CENPB: variants seen among roughly 807,000 people sequenced by gnomAD.
CENPB encodes the protein centromere protein B.
A neutral mutation model predicts 41.9 loss-of-function variants in CENPB; 19 were observed. The ratio of observed to expected loss-of-function variants is 0.45; its 90% CI spans 0.32 to 0.67. The LOEUF is 0.67. Among genes scored for constraint, CENPB ranks in the 30% least tolerant of loss-of-function variants. CENPB has a pLI of 0.04. For missense variants in CENPB, 614 were observed against 816.2 expected (o/e 0.75, Z 3.02); for synonymous variants, 399 against 354.4 (o/e 1.13, Z -1.41).
At position 3,785,440 on chromosome 20, in the gene CENPB, C is replaced by A. The variant is rs1473820823; in HGVS notation, c.1044G>T (p.Ala348=). Residue 348 remains alanine (A), a synonymous_variant, in exon 1 of 1, where the codon GCG becomes GCT. Coordinates refer to ENST00000379751, the MANE Select transcript of CENPB (RefSeq NM_001810.6). ...GGCCTGAGGGATCCTGGCCCTCTAG[C>A]GCGGCCATGGCCTTGAGCAGCATGG... is the stretch of plus-strand genomic sequence containing the variant. The part of the protein sequence containing the change: ...RQAMLLKAMA[A]LEGQDPSGLQ... The A allele has an allele frequency of 4.4e-6, 7 of 1,590,002 alleles. No individual in the cohort carries two copies. Among genetic ancestry groups the A allele is most frequent in the Non-Finnish European group, 6.0e-6 (7 of 1,168,534 alleles).
In CENPB at chr20:3,786,383, C is replaced by T. The variant is rs763387256; in HGVS notation, c.101G>A (p.Arg34His). 3 of 1,603,542 alleles carry T rather than the reference C, an allele frequency of 1.9e-6. No homozygotes were observed. The highest frequency in any genetic ancestry group is 1.7e-6 in the Non-Finnish European group (2 of 1,179,484). ...PDLRKGEIAR[R>H]FNIPPSTLST... ...CAGCGTGGACGGCGGGATGTTGAAG[C>T]GCCGCGCGATCTCGCCCTTGCGCAG... is the stretch of plus-strand genomic sequence containing the variant. The change falls in exon 1 of 1, where the codon CGC (arginine) becomes CAC (histidine). Residue 34 changes from arginine (R) to histidine (H), a missense_variant. Coordinates refer to ENST00000379751, the MANE Select transcript of CENPB (RefSeq NM_001810.6).
chr20:3,786,504 G>A lies in CENPB; in HGVS notation c.-21C>T, dbSNP rs763479488. 57 of 1,142,992 alleles carry A rather than the reference G, an allele frequency of 5.0e-5. 1 individual carries two copies. Among genetic ancestry groups the A allele is most frequent in the Admixed American group, 4.9e-4 (13 of 26,290 alleles). 70.8% of individuals were successfully genotyped at this position (1,142,992 alleles called of 1,614,324 possible). A position where few individuals can be genotyped will look rare whatever the true frequency, so the allele number is the denominator to read the frequency against. ...CCCATCCCGGCGCGCCCCCCGCCCCGGGGCCCGGCGCCGCCGCCGCCGCCC... is the reference window on the plus strand; with the variant it reads ...CCCATCCCGGCGCGCCCCCCGCCCCAGGGCCCGGCGCCGCCGCCGCCGCCC... On this transcript the variant is annotated 5_prime_UTR_variant, in exon 1 of 1. Coordinates refer to ENST00000379751, the MANE Select transcript of CENPB (RefSeq NM_001810.6).
rs996074233 is a variant in CENPB, at chr20:3,784,636, G to C, written c.*48C>G. Reference sequence around the variant, plus strand: ...GGGTGCCCAGAGAGTCCTCTGCCCTGGGGTGGTGCTGCCAATCTAGGTTGG... The same window carrying C: ...GGGTGCCCAGAGAGTCCTCTGCCCTCGGGTGGTGCTGCCAATCTAGGTTGG... On this transcript the variant is annotated 3_prime_UTR_variant, in exon 1 of 1. Transcript: ENST00000379751. The surrounding 1 kb of genome is among the most constrained non-coding windows in gnomAD (Gnocchi z 5.2). The C allele has an allele frequency of 6.2e-7, 1 of 1,601,140 alleles. No homozygotes were observed. Among genetic ancestry groups the C allele is most frequent in the Non-Finnish European group, 8.5e-7 (1 of 1,172,816 alleles).
Position 3,784,354 on chromosome 20 carries a change from G to A in CENPB, c.*330C>T, listed in dbSNP as rs557848176. The A allele has an allele frequency of 2.9e-5, 9 of 308,972 alleles. No individual in the cohort carries two copies. In the East Asian group the frequency reaches 3.5e-4, roughly 12 times the overall value. 19.1% of individuals were successfully genotyped at this position (308,972 alleles called of 1,614,324 possible). A position where few individuals can be genotyped will look rare whatever the true frequency, so the allele number is the denominator to read the frequency against. On this transcript the variant is annotated 3_prime_UTR_variant, in exon 1 of 1. Transcript: ENST00000379751. This position sits in a 1 kb window ranked among gnomAD's most constrained non-coding sequence, Gnocchi z 5.2. ...CACTCTCCGGCCGGGAACCTCCAGGGCCCATCCCTGGCTGCTGCTGTGGTT... is the reference window on the plus strand; with the variant it reads ...CACTCTCCGGCCGGGAACCTCCAGGACCCATCCCTGGCTGCTGCTGTGGTT...
Position 3,785,581 on chromosome 20 carries a change from G to C in CENPB, c.903C>G (p.Ala301=). 6.2e-7 allele frequency: 1 copy of C among 1,601,416 alleles called. No homozygotes were observed. The highest frequency in any genetic ancestry group is 8.5e-7 in the Non-Finnish European group (1 of 1,174,494). Residue 301 remains alanine (A), a synonymous_variant, in exon 1 of 1, where the codon GCC becomes GCG. Coordinates refer to ENST00000379751, the MANE Select transcript of CENPB (RefSeq NM_001810.6). ...GCAGGCCCGAGGTGTCCAAGGACTG[G>C]GCAGCCAAGCGGCCGGCCAACAGCA... ...RVLLLAGRLA[A]QSLDTSGLRH...
chr20:3,784,762 C>G lies in CENPB; in HGVS notation c.1722G>C (p.Leu574Phe). 6.2e-7 allele frequency: 1 copy of G among 1,614,094 alleles called. No homozygotes were observed. The highest frequency in any genetic ancestry group is 8.5e-7 in the Non-Finnish European group (1 of 1,180,014). Residue 574 changes from leucine to phenylalanine, a missense_variant, in exon 1 of 1, where the codon TTG (leucine) becomes TTC (phenylalanine). By Grantham distance (22) the Leu-to-Phe change is conservative (BLOSUM62 0). Transcript: ENST00000379751. The surrounding 1 kb of genome is among the most constrained non-coding windows in gnomAD (Gnocchi z 5.2). ...DDRVQSHILH[L>F]EHDLVHVTRK... ...TGGTCACATGAACCAGATCGTGTTC[C>G]AAGTGGAGGATGTGGCTCTGCACGC...
chr20:3,784,886 T>A lies in CENPB; in HGVS notation c.1598A>T (p.Glu533Val), dbSNP rs2088803315. Residue 533 changes from glutamate (E) to valine (V), a missense_variant, in exon 1 of 1, where the codon GAG becomes GTG. Around this residue, in one of 2 missense-constraint regions of CENPB, gnomAD observed 537 missense variants for 629.4 expected, o/e 0.85. Coordinates refer to ENST00000379751, the MANE Select transcript of CENPB (RefSeq NM_001810.6). This position sits in a 1 kb window ranked among gnomAD's most constrained non-coding sequence, Gnocchi z 5.2. Reference sequence around the variant, plus strand: ...TACAGGCACCTCATCACCATCCTCCTCATCATCATCGTCGTCTTCATCTTC... The same window carrying A: ...TACAGGCACCTCATCACCATCCTCCACATCATCATCGTCGTCTTCATCTTC... ...DDEDEDDDDD[E>V]EDGDEVPVPS... 8 of 1,613,548 alleles carry A rather than the reference T, an allele frequency of 5.0e-6. No individual in the cohort carries two copies. In the South Asian group the frequency reaches 8.8e-5, roughly 18 times the overall value.
At position 3,785,200 on chromosome 20, in the gene CENPB, T is replaced by TTCC. The variant is rs200947984; in HGVS notation, c.1281_1283dup (p.Glu428dup). 3,535 of 760,946 alleles carry TTCC rather than the reference T, an allele frequency of 4.6e-3. 84 individuals are homozygous for TTCC. In the African/African-American group the frequency reaches 0.064, roughly 14 times the overall value. 47.1% of individuals were successfully genotyped at this position (760,946 alleles called of 1,614,324 possible). ...CCCCTTCCTCCTCCTCCTCCTCCCC[T>TTCC]TCCTCCTCCTCTTCCTCTCCTTCAC... On this transcript the variant is annotated inframe_insertion, in exon 1 of 1. Transcript: ENST00000379751.
At position 3,786,042 on chromosome 20, in the gene CENPB, G is replaced by A. The variant is rs1363667913; in HGVS notation, c.442C>T (p.Pro148Ser). 1.4e-6 allele frequency: 2 copies of A among 1,479,936 alleles called. No individual in the cohort carries two copies. The highest frequency in any genetic ancestry group is 1.8e-6 in the Non-Finnish European group (2 of 1,129,426). 91.7% of individuals were successfully genotyped at this position (1,479,936 alleles called of 1,614,324 possible). Residue 148 changes from proline (P) to serine (S), a missense_variant, in exon 1 of 1, where the codon CCC (proline) becomes TCC (serine). Around this residue, in one of 2 missense-constraint regions of CENPB, gnomAD observed 537 missense variants for 629.4 expected, o/e 0.85. Coordinates refer to ENST00000379751, the MANE Select transcript of CENPB (RefSeq NM_001810.6). ...CTGGCAGGCGCCGCCGGGGTGCGGG[G>A]GGCAGCGTTTCGCGCGCGGGCGCGG... ...VARARARNAAPRTPAAPASPA... is the reference protein window; with the variant it reads ...VARARARNAASRTPAAPASPA...
At position 3,784,148 on chromosome 20, in the gene CENPB, CAG is replaced by C. The variant is rs1292094011; in HGVS notation, c.*534_*535del. 6.5e-6 allele frequency: 1 copy of C among 153,358 alleles called. No homozygotes were observed. Among genetic ancestry groups the C allele is most frequent in the Non-Finnish European group, 1.4e-5 (1 of 70,790 alleles). The allele number at this position is 153,358 out of a possible 1,614,324, so 9.5% of individuals were successfully genotyped here. A position where few individuals can be genotyped will look rare whatever the true frequency, so the allele number is the denominator to read the frequency against. ...AGGGACTGGGGAGGTGGAAAGCAGG[CAG>C]AAGCAGGCTCAGGAGCCCGCAGTGA... On this transcript the variant is annotated 3_prime_UTR_variant, in exon 1 of 1. Transcript: ENST00000379751. The surrounding 1 kb of genome is among the most constrained non-coding windows in gnomAD (Gnocchi z 5.2).
In CENPB at chr20:3,785,331, G is replaced by A. The variant is rs775648926; in HGVS notation, c.1153C>T (p.Arg385Cys). The A allele has an allele frequency of 3.1e-6, 5 of 1,602,346 alleles. No homozygotes were observed. The highest frequency in any genetic ancestry group is 3.4e-6 in the Non-Finnish European group (4 of 1,175,764). ...VEPSDIAACF[R>C]EAGFGGGPNA... ...GGGCCACCCCCAAAGCCAGCCTCAC[G>A]AAAGCAGGCGGCTATGTCCGAAGGC... Residue 385 changes from arginine (R) to cysteine (C), a missense_variant, in exon 1 of 1, where the codon CGT becomes TGT. Arg to Cys is a radical substitution (Grantham distance 180). Transcript: ENST00000379751.
rs1600365773 is a variant in CENPB at position 3,784,885 on chromosome 20, C to A, written c.1599G>T (p.Glu533Asp). 1.9e-6 allele frequency: 3 copies of A among 1,613,868 alleles called. No individual in the cohort carries two copies. Among genetic ancestry groups the A allele is most frequent in the Non-Finnish European group, 2.5e-6 (3 of 1,179,834 alleles). ...DDEDEDDDDD[E>D]EDGDEVPVPS... The stretch of plus-strand genomic sequence containing the variant: ...GTACAGGCACCTCATCACCATCCTC[C>A]TCATCATCATCGTCGTCTTCATCTT... Residue 533 changes from glutamate to aspartate, a missense_variant, in exon 1 of 1, where the codon GAG becomes GAT. Coordinates refer to ENST00000379751, the MANE Select transcript of CENPB (RefSeq NM_001810.6). The surrounding 1 kb of genome is among the most constrained non-coding windows in gnomAD (Gnocchi z 5.2).
In CENPB at chr20:3,785,797, T is replaced by C. The variant is rs761497217; in HGVS notation, c.687A>G (p.Leu229=). The change falls in exon 1 of 1, where the codon CTA becomes CTG. Residue 229 remains leucine, a synonymous_variant. Coordinates refer to ENST00000379751, the MANE Select transcript of CENPB (RefSeq NM_001810.6). ...TCTCGCTGCCGTCGGCATTGGCGCATAGCAGGACGCTCAGGCGCTGGGTGG... is the reference window on the plus strand; with the variant it reads ...TCTCGCTGCCGTCGGCATTGGCGCACAGCAGGACGCTCAGGCGCTGGGTGG... ...RQATQRLSVL[L]CANADGSEKL... is the part of the protein sequence containing the mutation. 7 of 1,609,766 alleles carry C rather than the reference T, an allele frequency of 4.3e-6. No homozygotes were observed. The highest frequency in any genetic ancestry group is 4.0e-5 in the African/African-American group (3 of 74,804).
Position 3,784,536 on chromosome 20 carries a change from G to T in CENPB, c.*148C>A. The T allele has an allele frequency of 2.2e-6, 2 of 913,816 alleles. No homozygotes were observed. The highest frequency in any genetic ancestry group is 3.3e-6 in the Non-Finnish European group (2 of 601,362). 56.6% of individuals were successfully genotyped at this position (913,816 alleles called of 1,614,324 possible). On this transcript the variant is annotated 3_prime_UTR_variant, in exon 1 of 1. Coordinates refer to ENST00000379751, the MANE Select transcript of CENPB (RefSeq NM_001810.6). The surrounding 1 kb of genome is among the most constrained non-coding windows in gnomAD (Gnocchi z 5.2). Reference sequence around the variant, plus strand: ...CCTCAGCCCCGGGCCCGGCCGAGGTGACCGGGCCTGTTGCAGGACCAGGGG... The same window carrying T: ...CCTCAGCCCCGGGCCCGGCCGAGGTTACCGGGCCTGTTGCAGGACCAGGGG...
chr20:3,786,058 G>C lies in CENPB; in HGVS notation c.426C>G (p.Arg142=). 6.6e-7 allele frequency: 1 copy of C among 1,512,086 alleles called. No individual in the cohort carries two copies. Among genetic ancestry groups the C allele is most frequent in the Non-Finnish European group, 8.7e-7 (1 of 1,145,148 alleles). The allele number at this position is 1,512,086 out of a possible 1,614,324, so 93.7% of individuals were successfully genotyped here. A position where few individuals can be genotyped will look rare whatever the true frequency, so the allele number is the denominator to read the frequency against. Residue 142 remains arginine (R), a synonymous_variant, in exon 1 of 1, where the codon CGC becomes CGG. Transcript: ENST00000379751. The part of the protein sequence containing the change: ...VVSCSGVARA[R]ARNAAPRTPA... Reference sequence around the variant, plus strand: ...GGGTGCGGGGGGCAGCGTTTCGCGCGCGGGCGCGGGCCACGCCGCTGCAGG... The same window carrying C: ...GGGTGCGGGGGGCAGCGTTTCGCGCCCGGGCGCGGGCCACGCCGCTGCAGG...
At position 3,784,992 on chromosome 20, in the gene CENPB, AC is replaced by A; in HGVS notation, c.1491del (p.Gln497HisfsTer62). On this transcript the variant is annotated frameshift_variant, in exon 1 of 1. Transcript: ENST00000379751. LOFTEE classifies it high-confidence loss of function. The surrounding 1 kb of genome is among the most constrained non-coding windows in gnomAD (Gnocchi z 5.2). Reference sequence around the variant, plus strand: ...CCTTCCAGGAAATGCAGAGTAGGGCACTGGGCTTCCTCCTGGGCACCATAAG... The same window carrying A: ...CCTTCCAGGAAATGCAGAGTAGGGCATGGGCTTCCTCCTGGGCACCATAAG... ...FGAYGAQEEA[Q>X]CPTLHFLEGG... 1 of 1,613,918 alleles carries A rather than the reference AC, an allele frequency of 6.2e-7. No homozygotes were observed. Among genetic ancestry groups the A allele is most frequent in the African/African-American group, 1.3e-5 (1 of 74,930 alleles).
rs1158781089 is a variant in CENPB at position 3,785,119 on chromosome 20, A to G, written c.1365T>C (p.Asp455=). 2 of 1,562,868 alleles carry G rather than the reference A, an allele frequency of 1.3e-6. No homozygotes were observed. The highest frequency in any genetic ancestry group is 2.4e-5 in the East Asian group (1 of 40,828). ...EEEVEEEGDV[D]SDEEEEEDEE... ...CATCTTCCTCCTCTTCTTCATCACT[A>G]TCAACATCACCCTCCTCCTCCACCT... The change falls in exon 1 of 1, where the codon GAT becomes GAC. Residue 455 remains aspartate, a synonymous_variant. Transcript: ENST00000379751.
At position 3,784,946 on chromosome 20, in the gene CENPB, T is replaced by TCA; in HGVS notation, c.1537_1538insTG (p.Asp513ValfsTer47). ...TTCCTCATCGTCCTCTTCCTCACTG[T>TCA]CTGAATCAGAGTCCTCCCCACCTTC... is the stretch of plus-strand genomic sequence containing the variant. On this transcript the variant is annotated frameshift_variant, in exon 1 of 1. Coordinates refer to ENST00000379751, the MANE Select transcript of CENPB (RefSeq NM_001810.6). LOFTEE classifies it high-confidence loss of function. This position sits in a 1 kb window ranked among gnomAD's most constrained non-coding sequence, Gnocchi z 5.2. 1.2e-6 allele frequency: 2 copies of TCA among 1,614,066 alleles called. No homozygotes were observed. Among genetic ancestry groups the TCA allele is most frequent in the Non-Finnish European group, 1.7e-6 (2 of 1,179,996 alleles).
chr20:3,784,889 T>C lies in CENPB; in HGVS notation c.1595A>G (p.Asp532Gly). Reference sequence around the variant, plus strand: ...AGGCACCTCATCACCATCCTCCTCATCATCATCGTCGTCTTCATCTTCATC... The same window carrying C: ...AGGCACCTCATCACCATCCTCCTCACCATCATCGTCGTCTTCATCTTCATC... ...EDDEDEDDDD[D>G]EEDGDEVPVP... Residue 532 changes from aspartate (D) to glycine (G), a missense_variant, in exon 1 of 1, where the codon GAT (aspartate) becomes GGT (glycine). Physicochemically the swap from Asp to Gly is moderately conservative, Grantham distance 94. Transcript: ENST00000379751. This position sits in a 1 kb window ranked among gnomAD's most constrained non-coding sequence, Gnocchi z 5.2. 1.9e-6 allele frequency: 3 copies of C among 1,613,906 alleles called. No homozygotes were observed. In the South Asian group the frequency reaches 3.3e-5, roughly 18 times the overall value.
Sources: allele counts gnomAD v4.1 joint callset, GRCh38; gene constraint gnomAD v4.1.1; regional missense constraint gnomAD v4.1.1; non-coding constraint Gnocchi (gnomAD v3.1); transcripts MANE v1.5; gene names NCBI Gene and HGNC (gene_info 2026-07-23, HGNC 2026-07-21).